The following NXN variants were observed in gnomAD, a reference collection of about 807,000 sequenced individuals.
The protein encoded by NXN is nucleoredoxin 1.
In NXN, 16 loss-of-function variants were observed where a neutral mutation model predicts 48.6. The observed-to-expected ratio is 0.33, with a 90% CI of 0.22 to 0.50. The LOEUF (loss-of-function observed/expected upper bound fraction) is 0.50, where lower values mean the gene tolerates loss of function less well. Ranked by LOEUF, NXN falls within the 20% of genes least tolerant of loss-of-function variation. The pLI is 0.98. For missense variants in NXN, 492 were observed against 605.5 expected, an observed-to-expected ratio of 0.81 and a Z score of 1.97; for synonymous variants, 281 against 269.6, an observed-to-expected ratio of 1.04 and a Z score of -0.41.
At chr17:968,538 C>G (rs2150636958) in intron 1 of NXN, among the ~76,000 whole-genome samples, 1 of 152,184 alleles carries the variant, frequency 6.6e-6, no homozygotes, top group East Asian at 1.9e-4. Context: ...CCACTGCACT[C>G]TAGCCTGGGC....
Position 858,686 on chromosome 17 carries a change from G to A in NXN, c.361-32608C>T, listed in dbSNP as rs370314045. On this transcript the variant is annotated intron_variant, in intron 1 of 7. Transcript: ENST00000336868. ...GGAGGTTGCAGTGAGACAAGATCGC[G>A]CCACTGCACTCCAGCCTGGGTGACA... Among the ~76,000 whole-genome samples, 14 of 151,224 alleles carry A rather than the reference G, an allele frequency of 9.3e-5. No homozygotes were observed. The South Asian group carries it at 1.7e-3, about 18-fold the overall frequency.
intron 6 of NXN, 35 bp from the exon 7 acceptor site, chr17:803,841 G>C (rs1567806866): frequency 1.2e-6 from 2 of 1,612,322 alleles, no homozygotes; most frequent in Non-Finnish European, 1.7e-6. Flanking sequence ...AAGACGGGGA[G>C]AAAAAGCACT....
intron 1 of NXN, among the ~76,000 whole-genome samples, chr17:874,378 G>C (rs2068192114): frequency 6.6e-6 from 1 of 152,156 alleles, no homozygotes; most frequent in Non-Finnish European, 1.5e-5. Context: ...GAGGTCAGGA[G>C]TTTGAGACCA....
chr17:972,441 C>T (rs919434361), intron 1 of NXN, among the ~76,000 whole-genome samples: 2 of 151,950 alleles, frequency 1.3e-5, no homozygotes, highest in East Asian at 3.9e-4. Context: ...CGCGCCACTG[C>T]TCTCCAGCCT....
chr17:824,036 A>ATT (rs11345667), intron 2 of NXN, among the ~76,000 whole-genome samples: 1 of 116,784 alleles, frequency 8.6e-6, no homozygotes, highest in African/African-American at 3.4e-5. Flanking sequence ...TTCCAGGGAC[A>ATT]TTTTTTTTTT....
At chr17:882,494 C>T (rs1264261600) in intron 1 of NXN, among the ~76,000 whole-genome samples, 1 of 148,134 alleles carries the variant, frequency 6.8e-6, no homozygotes, top group East Asian at 2.0e-4. Context: ...GAGATGGAGT[C>T]TCGCTCTGTC....
rs1313003080 is a variant in NXN, at chr17:949,752, G to A, written c.360+29567C>T. 2.0e-5 allele frequency among the ~76,000 whole-genome samples: 3 copies of A among 149,820 alleles called. No individual in the cohort carries two copies. The Admixed American group carries it at 2.0e-4, about 10-fold the overall frequency. ...TCTCCCCGCGGGCCTCCTCTGTTAG[G>A]ACCCACCTCCCTGCCTCAGTCTGGA... On this transcript the variant is annotated intron_variant, in intron 1 of 7. Coordinates refer to ENST00000336868, the MANE Select transcript of NXN (RefSeq NM_022463.5).
chr17:969,996 C>T (rs937654977), intron 1 of NXN, among the ~76,000 whole-genome samples: 11 of 152,114 alleles, frequency 7.2e-5, no homozygotes, highest in Non-Finnish European at 1.3e-4. Context: ...GAGAGGCTGA[C>T]GGATTGGACA....
intron 1 of NXN, chr17:880,044 T>TG (rs1268026408): frequency 6.6e-6 from 1 of 152,166 alleles, no homozygotes; most frequent in Non-Finnish European, 1.5e-5. Context: ...AATCTTCTGA[T>TG]GTATCAAGTT....
At chr17:945,285 T>C (rs1249956427) in intron 1 of NXN, among the ~76,000 whole-genome samples, 6 of 151,564 alleles carry the variant, frequency 4.0e-5, no homozygotes, top group Non-Finnish European at 8.8e-5. Flanking sequence ...TTTCACCATG[T>C]TGGCCAGGCT....
At position 830,581 on chromosome 17, in the gene NXN, CA is replaced by C. The variant is rs1419979820; in HGVS notation, c.361-4504del. Among the ~76,000 whole-genome samples the C allele has an allele frequency of 2.0e-5, 3 of 152,154 alleles. No homozygotes were observed. The highest frequency in any genetic ancestry group is 6.6e-5 in the Admixed American group (1 of 15,260). On this transcript the variant is annotated intron_variant, in intron 1 of 7. Coordinates refer to ENST00000336868, the MANE Select transcript of NXN (RefSeq NM_022463.5). The surrounding 1 kb of genome is among the most constrained non-coding windows in gnomAD (Gnocchi z 4.2). ...CGAAAGTCTGAGTAGATGAGAGAAC[CA>C]GGGGCGGCGGCTGTGATGAGGTCAG...
intron 1 of NXN, among the ~76,000 whole-genome samples, chr17:854,336 C>T (rs2067960952): frequency 6.6e-6 from 1 of 152,126 alleles, no homozygotes; most frequent in African/African-American, 2.4e-5. Flanking sequence ...CACCTGCTCA[C>T]CTGAGTGGAG....
At chr17:966,588 C>T (rs1276138768) in intron 1 of NXN, among the ~76,000 whole-genome samples, 2 of 151,712 alleles carry the variant, frequency 1.3e-5, no homozygotes. Context: ...CTCAGGGGAT[C>T]CGTCGACTTC....
At chr17:813,356 G>C (rs557321200) in intron 5 of NXN, among the ~76,000 whole-genome samples, 2 of 152,258 alleles carry the variant, frequency 1.3e-5, no homozygotes, top group Non-Finnish European at 2.9e-5. Context: ...TGAAACCAGG[G>C]ACTGAGTGAG....
intron 1 of NXN, among the ~76,000 whole-genome samples, chr17:977,370 T>C (rs2069473448): frequency 6.6e-6 from 1 of 152,218 alleles, no homozygotes; most frequent in Non-Finnish European, 1.5e-5. Context: ...CCCTGTGTCA[T>C]CCAGGTTCTC....
chr17:959,051 G>C (rs1188813062), intron 1 of NXN: 1 of 277,436 alleles, frequency 3.6e-6, no homozygotes, highest in Non-Finnish European at 6.8e-6. Context: ...CCGCGGTGTG[G>C]TCACTGATGA....
At chr17:955,483 AAGAG>A (rs2069156467) in intron 1 of NXN, among the ~76,000 whole-genome samples, 1 of 150,800 alleles carries the variant, frequency 6.6e-6, no homozygotes, top group African/African-American at 2.4e-5. Context: ...TCTCTTCTCT[AAGAG>A]CAAAACTTGG....
intron 1 of NXN, among the ~76,000 whole-genome samples, chr17:946,166 C>T (rs370266784): frequency 5.3e-5 from 8 of 150,460 alleles, no homozygotes; most frequent in African/African-American, 2.0e-4. Context: ...GATGGAGTCT[C>T]GCTCTGTTGC....
At chr17:900,740 A>G (rs2144896788) in intron 1 of NXN, among the ~76,000 whole-genome samples, 1 of 151,762 alleles carries the variant, frequency 6.6e-6, no homozygotes, top group African/African-American at 2.4e-5. Flanking sequence ...AAGACGGCCA[A>G]AAAAAAAGTA....
Sources: gnomAD v4.1 joint callset for allele counts (sites outside exome capture counted in the v4.1 genomes callset) on GRCh38, gnomAD v4.1.1 for gene constraint, Gnocchi (gnomAD v3.1) non-coding constraint, MANE v1.5 for transcripts, NCBI Gene and HGNC (gene_info 2026-07-23, HGNC 2026-07-21) for gene names.